The following STPG2 variants were observed in gnomAD, a reference collection of about 807,000 sequenced individuals.
STPG2 encodes sperm tail PG-rich repeat containing 2, also known as sperm-tail PG-rich repeat-containing protein 2.
STPG2 carries 56 observed loss-of-function variants against 54.2 expected under a neutral mutation model. The observed-to-expected ratio is 1.03, with a 90% CI of 0.83 to 1.29. The LOEUF (loss-of-function observed/expected upper bound fraction) is 1.29. STPG2 is among the 50% of genes most tolerant of loss of function. The probability of loss-of-function intolerance (pLI) is 0.00; values close to 1 mark genes in which losing one functional copy is unlikely to be tolerated. For synonymous variants in STPG2, 200 were observed against 181.8 expected (o/e 1.10, Z -0.81); for missense variants, 596 against 544.9 (o/e 1.09, Z -0.93).
intron 10 of STPG2, among the ~76,000 whole-genome samples, chr4:97,566,632 C>G (rs538958353): frequency 6.6e-6 from 1 of 152,028 alleles, no homozygotes; most frequent in South Asian, 2.1e-4. Flanking sequence ...GGAACCAACC[C>G]AAATGTCCAA....
At chr4:97,824,574 A>T (rs1218582290) in intron 9 of STPG2, among the ~76,000 whole-genome samples, 1 of 152,182 alleles carries the variant, frequency 6.6e-6, no homozygotes, top group Non-Finnish European at 1.5e-5. Context: ...TGTTCAAGAC[A>T]GCACAGCAAA....
At chr4:98,101,764 TTC>T (rs1263845821) in intron 5 of STPG2, among the ~76,000 whole-genome samples, 1 of 152,190 alleles carries the variant, frequency 6.6e-6, no homozygotes, top group Non-Finnish European at 1.5e-5. Flanking sequence ...AAACAATTTC[TTC>T]TCCATGACAT....
intron 8 of STPG2, among the ~76,000 whole-genome samples, chr4:97,907,361 T>C (rs1440573189): frequency 6.6e-6 from 1 of 151,950 alleles, no homozygotes; most frequent in Non-Finnish European, 1.5e-5. Flanking sequence ...CTCAAGGAAA[T>C]AAAAGAAGAT....
intron 4 of STPG2, among the ~76,000 whole-genome samples, chr4:97,529,295 C>T (rs1460822777): frequency 3.3e-5 from 5 of 152,116 alleles, no homozygotes; most frequent in Admixed American, 6.6e-5. Context: ...TATTAATTTG[C>T]GTATGTTGAA....
intron 10 of STPG2, among the ~76,000 whole-genome samples, chr4:97,622,582 A>C (rs1734040025): frequency 6.6e-6 from 1 of 152,118 alleles, no homozygotes; most frequent in Admixed American, 6.5e-5. Flanking sequence ...TCAGTACAAC[A>C]AGAATTACAA....
chr4:97,833,887 A>G (rs766309708), intron 9 of STPG2, among the ~76,000 whole-genome samples: 1 of 152,180 alleles, frequency 6.6e-6, no homozygotes, highest in Non-Finnish European at 1.5e-5. Flanking sequence ...ATGTGGAGAA[A>G]TAGGAATGCT....
chr4:97,641,001 T>C (rs1289081579), intron 10 of STPG2, among the ~76,000 whole-genome samples: 1 of 151,568 alleles, frequency 6.6e-6, no homozygotes, highest in Non-Finnish European at 1.5e-5. Context: ...ATAATGAATA[T>C]ATAATGTCTA....
At chr4:97,519,095 G>A (rs1334351267) in intron 4 of STPG2, among the ~76,000 whole-genome samples, 1 of 151,984 alleles carries the variant, frequency 6.6e-6, no homozygotes, top group Non-Finnish European at 1.5e-5. Context: ...AAAAACAGTG[G>A]TTTAGATTTA....
intron 9 of STPG2, among the ~76,000 whole-genome samples, chr4:97,724,794 A>G (rs1346109986): frequency 6.6e-6 from 1 of 152,186 alleles, no homozygotes; most frequent in Non-Finnish European, 1.5e-5. Context: ...TTTCTTTAAG[A>G]ATAATATCTT....
chr4:98,074,843 A>C (rs1276297081), intron 5 of STPG2, among the ~76,000 whole-genome samples: 1 of 152,214 alleles, frequency 6.6e-6, no homozygotes, highest in Admixed American at 6.5e-5. Context: ...TCAGCAGCTT[A>C]ATCACAATTA....
At chr4:97,563,947 G>C (rs568920560) in intron 10 of STPG2, among the ~76,000 whole-genome samples, 1 of 152,274 alleles carries the variant, frequency 6.6e-6, no homozygotes, top group East Asian at 1.9e-4. Context: ...ATGTCTACTA[G>C]GTCTGCTTGG....
intron 5 of STPG2, among the ~76,000 whole-genome samples, chr4:98,056,923 T>C (rs1398754288): frequency 1.6e-5 from 2 of 127,794 alleles, no homozygotes; most frequent in Non-Finnish European, 3.5e-5. Context: ...TGATTGTAAG[T>C]TTCCGGAGGC....
At chr4:97,459,450 T>G (rs918066124) in intron 4 of STPG2, among the ~76,000 whole-genome samples, 10 of 149,240 alleles carry the variant, frequency 6.7e-5, no homozygotes, top group African/African-American at 1.7e-4. Context: ...GTTTTTTTTT[T>G]TTTTTTTGAG....
intron 9 of STPG2, among the ~76,000 whole-genome samples, chr4:97,744,930 T>C (rs1725376857): frequency 6.6e-6 from 1 of 151,270 alleles, no homozygotes; most frequent in Non-Finnish European, 1.5e-5. Flanking sequence ...TTTCTTTCTC[T>C]TCTTTATCAT....
At chr4:97,707,981 C>T (rs988027230) in intron 10 of STPG2, among the ~76,000 whole-genome samples, 2 of 151,960 alleles carry the variant, frequency 1.3e-5, no homozygotes, top group African/African-American at 4.8e-5. Flanking sequence ...AGTTGGTAAC[C>T]ATTACTATAC....
intron 4 of STPG2, among the ~76,000 whole-genome samples, chr4:97,484,505 A>C (rs955249986): frequency 6.6e-5 from 10 of 151,968 alleles, no homozygotes; most frequent in Admixed American, 6.6e-5. Context: ...CTCCTAGCTT[A>C]AATCAGGAAG....
intron 4 of STPG2, among the ~76,000 whole-genome samples, chr4:97,501,761 T>C (rs1730730684): frequency 6.6e-6 from 1 of 150,554 alleles, no homozygotes; most frequent in Non-Finnish European, 1.5e-5. Flanking sequence ...ACTACCTGCA[T>C]GAAACATAAT....
In STPG2 at chr4:97,504,246, T is replaced by C. The variant is rs533108421; in HGVS notation, c.462+208453A>G. Among the ~76,000 whole-genome samples the C allele has an allele frequency of 1.2e-3, 179 of 149,542 alleles. 1 individual carries two copies. The highest frequency in any genetic ancestry group is 4.2e-3 in the African/African-American group (173 of 41,132). ...AATTATTACCTGTTACCCCCTCTTT[T>C]CTGGTTATTTCCTTAAAATGTATCA... On this transcript the variant is annotated intron_variant, in intron 4 of 4. Coordinates refer to the STPG2 transcript ENST00000522676.
At chr4:97,849,102 T>G (rs932743302) in intron 8 of STPG2, among the ~76,000 whole-genome samples, 8 of 151,216 alleles carry the variant, frequency 5.3e-5, no homozygotes, top group African/African-American at 1.9e-4. Flanking sequence ...GTATGGCCAT[T>G]TTCACGATAT....
Sources: allele counts gnomAD v4.1 joint callset (sites outside exome capture counted in the v4.1 genomes callset), GRCh38; gene constraint gnomAD v4.1.1; transcripts MANE v1.5; gene names NCBI Gene and HGNC (gene_info 2026-07-23, HGNC 2026-07-21).